The following MBD5 variants were observed in gnomAD, a reference collection of about 807,000 sequenced individuals.
MBD5 encodes methyl-CpG binding domain protein 5.
In MBD5, 13 loss-of-function variants were observed where a neutral mutation model predicts 117.3. The ratio of observed to expected loss-of-function variants is 0.11; its 90% CI spans 0.07 to 0.18. The LOEUF (loss-of-function observed/expected upper bound fraction) is 0.18, where lower values mean the gene tolerates loss of function less well. MBD5 is among the 10% of genes least tolerant of loss of function. The pLI, the probability that MBD5 is intolerant of heterozygous loss-of-function variation, is 1.00. For synonymous variants in MBD5, 727 were observed against 766.4 expected (o/e 0.95, Z 0.85); for missense variants, 1,879 against 2,093.8 (o/e 0.90, Z 2.00).
At chr2:148,454,315 G>A (rs1706817097) in intron 4 of MBD5, among the ~76,000 whole-genome samples, 1 of 152,070 alleles carries the variant, frequency 6.6e-6, no homozygotes, top group African/African-American at 2.4e-5. Context: ...TAACATGATT[G>A]ATATACCAAT....
At chr2:148,197,421 A>G (rs1699016687) in intron 2 of MBD5, among the ~76,000 whole-genome samples, 1 of 152,220 alleles carries the variant, frequency 6.6e-6, no homozygotes, top group Admixed American at 6.5e-5. Flanking sequence ...AATTAGGACA[A>G]AAAAAGGTTC....
chr2:148,469,831 A>T lies in MBD5; in HGVS notation c.1888A>T (p.Met630Leu). 6.2e-7 allele frequency: 1 copy of T among 1,613,952 alleles called. No individual in the cohort carries two copies. The highest frequency in any genetic ancestry group is 1.3e-5 in the African/African-American group (1 of 75,034). The change falls in exon 8 of 14, where the codon ATG (methionine) becomes TTG (leucine). Residue 630 changes from methionine (M) to leucine (L), a missense_variant. Transcript: ENST00000642680. The part of the protein sequence containing the change: ...LNTMFPPTAN[M>L]LLPTGEGQSG... ...CACCATGTTCCCTCCTACTGCCAACATGCTTCTCCCAACAGGTGAAGGGCA... is the reference window on the plus strand; with the variant it reads ...CACCATGTTCCCTCCTACTGCCAACTTGCTTCTCCCAACAGGTGAAGGGCA...
rs374836399 is a variant in MBD5 at position 148,479,720 on chromosome 2, G to T, written c.2519-3390G>T. 2.3e-3 allele frequency among the ~76,000 whole-genome samples: 324 copies of T among 142,344 alleles called. 2 individuals are homozygous for T. The highest frequency in any genetic ancestry group is 0.018 in the East Asian group (91 of 4,938). 93.4% of individuals were successfully genotyped at this position (142,344 alleles called of 152,430 possible). A position where few individuals can be genotyped will look rare whatever the true frequency, so the allele number is the denominator to read the frequency against. ...CCATCTACTTTATTATGTCTTTGTT[G>T]TTTTTTTTTTTTTTATCATCTTGCT... On this transcript the variant is annotated intron_variant, in intron 8 of 13. Coordinates refer to ENST00000642680, the MANE Select transcript of MBD5 (RefSeq NM_001378120.1).
intron 1 of MBD5, among the ~76,000 whole-genome samples, chr2:148,038,239 T>G (rs1301492530): frequency 6.6e-6 from 1 of 152,004 alleles, no homozygotes; most frequent in African/African-American, 2.4e-5. Context: ...ACAGGAGGAA[T>G]CACATTTTTA....
At chr2:148,507,077 C>G (rs1682055627) in intron 12 of MBD5, among the ~76,000 whole-genome samples, 1 of 152,178 alleles carries the variant, frequency 6.6e-6, no homozygotes, top group African/African-American at 2.4e-5. Flanking sequence ...AGTCATTTCT[C>G]CCTCTATTAA....
chr2:148,140,447 T>C (rs1468358064), intron 1 of MBD5, among the ~76,000 whole-genome samples: 2 of 152,214 alleles, frequency 1.3e-5, no homozygotes, highest in Non-Finnish European at 2.9e-5. Context: ...ATTTGCATTT[T>C]GCCATCCCAT....
intron 3 of MBD5, 28 bp from the exon 4 acceptor site, chr2:148,342,186 G>A (rs1162260620): frequency 2.9e-4 from 44 of 151,976 alleles, no homozygotes; most frequent in Admixed American, 2.9e-3. Flanking sequence ...TTAAATAAAT[G>A]TGCGGACTCA....
intron 7 of MBD5, among the ~76,000 whole-genome samples, chr2:148,466,004 A>G (rs1237490219): frequency 1.3e-5 from 2 of 152,136 alleles, no homozygotes; most frequent in Non-Finnish European, 2.9e-5. Flanking sequence ...AAAGGTAAAT[A>G]TATAACTAGC....
chr2:148,359,423 G>A (rs967383021), intron 4 of MBD5, among the ~76,000 whole-genome samples: 4 of 151,824 alleles, frequency 2.6e-5, no homozygotes, highest in Non-Finnish European at 2.9e-5. Context: ...TTTTTAAACC[G>A]CTTCTAGAAT....
At chr2:148,111,994 A>G (rs4972324) in intron 1 of MBD5, among the ~76,000 whole-genome samples, 133,773 of 152,172 alleles carry the variant, frequency 0.88, 58,904 homozygotes, top group East Asian at 0.91. Context: ...TTATTGAACC[A>G]TACTCACCTA....
chr2:148,200,625 A>AGAGCTTGCAGTGAGCC (rs1179284937), intron 2 of MBD5, among the ~76,000 whole-genome samples: 1 of 151,660 alleles, frequency 6.6e-6, no homozygotes, highest in Non-Finnish European at 1.5e-5. Flanking sequence ...CCTAGGAGGC[A>AGAGCTTGCAGTGAGCC]GAGCTTGCAG....
At chr2:148,427,780 A>G (rs528816560) in intron 4 of MBD5, among the ~76,000 whole-genome samples, 3 of 152,284 alleles carry the variant, frequency 2.0e-5, no homozygotes, top group Admixed American at 6.5e-5. Flanking sequence ...CCTAAAACTT[A>G]AAGTATAATA....
At chr2:148,423,001 C>T (rs2105277132) in intron 4 of MBD5, among the ~76,000 whole-genome samples, 1 of 152,264 alleles carries the variant, frequency 6.6e-6, no homozygotes, top group South Asian at 2.1e-4. Flanking sequence ...AGTTGGAAAA[C>T]ACTCTTTAGG....
chr2:148,469,459 T>G lies in MBD5; in HGVS notation c.1516T>G (p.Ser506Ala). ...AGGGTCCCCAAGGCCATCAATGCCA[T>G]CAAGCCCTTCTACCAAGTCCGATGG... ...TIGSPRPSMP[S>A]SPSTKSDGHH... Residue 506 changes from serine (S) to alanine (A), a missense_variant, in exon 8 of 14, where the codon TCA becomes GCA. Transcript: ENST00000642680. The G allele has an allele frequency of 6.2e-7, 1 of 1,613,866 alleles. No individual in the cohort carries two copies. Among genetic ancestry groups the G allele is most frequent in the Non-Finnish European group, 8.5e-7 (1 of 1,179,928 alleles).
chr2:148,203,565 T>C (rs1032109623), intron 2 of MBD5, among the ~76,000 whole-genome samples: 29 of 152,192 alleles, frequency 1.9e-4, no homozygotes, highest in African/African-American at 6.8e-4. Flanking sequence ...TTTCAAGAGG[T>C]GCGTGTGCAT....
chr2:148,458,672 C>T lies in MBD5; in HGVS notation c.-87C>T. On this transcript the variant is annotated 5_prime_UTR_variant, in exon 5 of 14. Transcript: ENST00000642680. ...TCTGGGAAAAACTGTGCTGCACTGG[C>T]CCACTTTTGAAGGCCATCATGCTCT... The T allele has an allele frequency of 8.5e-7, 1 of 1,174,134 alleles. No individual in the cohort carries two copies. The highest frequency in any genetic ancestry group is 1.2e-5 in the South Asian group (1 of 80,816). 72.7% of individuals were successfully genotyped at this position (1,174,134 alleles called of 1,614,324 possible).
chr2:148,165,595 A>G (rs964778823), intron 1 of MBD5, among the ~76,000 whole-genome samples: 1 of 152,056 alleles, frequency 6.6e-6, no homozygotes, highest in Non-Finnish European at 1.5e-5. Flanking sequence ...AAGTGAACCC[A>G]TCGTACTAAG....
At chr2:148,489,327 T>A in intron 10 of MBD5, 59 bp from the exon 11 acceptor site, 1 of 1,602,692 alleles carries the variant, frequency 6.2e-7, no homozygotes, top group South Asian at 1.1e-5. Flanking sequence ...ATAGTCTTTC[T>A]CTTTGAGGCC....
intron 3 of MBD5, among the ~76,000 whole-genome samples, chr2:148,317,963 A>G (rs150475716): frequency 1.8e-3 from 280 of 152,276 alleles, no homozygotes; most frequent in Middle Eastern, 6.8e-3. Flanking sequence ...CCCATTGGGT[A>G]TATACTCAGT....
Sources: allele counts gnomAD v4.1 joint callset (sites outside exome capture counted in the v4.1 genomes callset), GRCh38; gene constraint gnomAD v4.1.1; transcripts MANE v1.5; gene names NCBI Gene and HGNC (gene_info 2026-07-23, HGNC 2026-07-21).